CNIH3: variants seen among roughly 807,000 people sequenced by gnomAD.
CNIH3 encodes the protein protein cornichon homolog 3.
A neutral mutation model predicts 24.1 loss-of-function variants in CNIH3; 14 were observed. The ratio of observed to expected loss-of-function variants is 0.58; its 90% CI spans 0.38 to 0.91. CNIH3 has a LOEUF of 0.91. CNIH3 is among the 40% of genes least tolerant of loss of function. CNIH3 has a pLI of 0.00. For synonymous variants in CNIH3, 68 were observed against 73.8 expected (o/e 0.92, Z 0.40); for missense variants, 178 against 196.8 (o/e 0.90, Z 0.57).
intron 3 of CNIH3, among the ~76,000 whole-genome samples, chr1:224,701,203 T>G (rs1388092899): frequency 6.6e-6 from 1 of 151,662 alleles, no homozygotes; most frequent in Non-Finnish European, 1.5e-5. Flanking sequence ...GGTTCTTTTT[T>G]TTTTTTTTTG....
upstream of CNIH3, among the ~76,000 whole-genome samples, chr1:224,511,453 C>T (rs1369102417): frequency 6.6e-6 from 1 of 152,214 alleles, no homozygotes; most frequent in African/African-American, 2.4e-5. Flanking sequence ...ATAGTCAGAC[C>T]CGCATGTGAT....
intron 4 of CNIH3, among the ~76,000 whole-genome samples, chr1:224,579,440 C>T (rs949138322): frequency 2.6e-5 from 4 of 152,130 alleles, no homozygotes; most frequent in Admixed American, 2.6e-4. Flanking sequence ...TGACAAATCT[C>T]TTTATGTCAG....
intron 1 of CNIH3, among the ~76,000 whole-genome samples, chr1:224,633,464 G>C (rs1683930526): frequency 6.6e-6 from 1 of 152,118 alleles, no homozygotes; most frequent in East Asian, 1.9e-4. Context: ...TGGCAGTTAA[G>C]ATTCTTAGAA....
intron 1 of CNIH3, among the ~76,000 whole-genome samples, chr1:224,626,841 C>A (rs1023189349): frequency 1.3e-5 from 2 of 152,184 alleles, no homozygotes; most frequent in African/African-American, 4.8e-5. Context: ...CAAGCAGAGC[C>A]TTCTTGCCTC....
chr1:224,475,416 G>C (rs1676549068), intron 1 of CNIH3, among the ~76,000 whole-genome samples: 1 of 151,858 alleles, frequency 6.6e-6, no homozygotes, highest in Non-Finnish European at 1.5e-5. Flanking sequence ...CATTACAACG[G>C]ATACTGCCAA....
intron 1 of CNIH3, among the ~76,000 whole-genome samples, chr1:224,634,405 C>A (rs1476489540): frequency 6.6e-6 from 1 of 152,006 alleles, no homozygotes; most frequent in African/African-American, 2.4e-5. Context: ...CCCGTCTCTA[C>A]TAAAAGTACA....
chr1:224,470,023 C>CTT (rs199958550), intron 1 of CNIH3, among the ~76,000 whole-genome samples: 2 of 145,050 alleles, frequency 1.4e-5, no homozygotes, highest in Non-Finnish European at 3.0e-5. Flanking sequence ...TCTTCTTCTT[C>CTT]TTTTTTTTTT....
At chr1:224,470,710 G>A (rs80061348) in intron 1 of CNIH3, among the ~76,000 whole-genome samples, 3,685 of 151,916 alleles carry the variant, frequency 0.024, 70 homozygotes, top group Non-Finnish European at 0.038. Context: ...CTCCCACTTC[G>A]GTCTCCCAAA....
At chr1:224,690,375 A>G (rs1401373471) in intron 3 of CNIH3, among the ~76,000 whole-genome samples, 1 of 151,836 alleles carries the variant, frequency 6.6e-6, no homozygotes, top group Non-Finnish European at 1.5e-5. Flanking sequence ...TAATTTTTGT[A>G]TTTTTAGTAG....
chr1:224,541,843 T>C (rs1200617775), downstream of CNIH3, among the ~76,000 whole-genome samples: 3 of 152,166 alleles, frequency 2.0e-5, no homozygotes, highest in African/African-American at 7.2e-5. Context: ...AACGACTGTA[T>C]CTTATCTTAT....
At chr1:224,486,721 G>A (rs542489905) in intron 1 of CNIH3, among the ~76,000 whole-genome samples, 1 of 152,294 alleles carries the variant, frequency 6.6e-6, no homozygotes, top group African/African-American at 2.4e-5. Context: ...TTTAAAGGTT[G>A]CTAAAACTCT....
At chr1:224,654,836 C>T (rs944719292) in intron 1 of CNIH3, among the ~76,000 whole-genome samples, 1 of 152,170 alleles carries the variant, frequency 6.6e-6, no homozygotes, top group African/African-American at 2.4e-5. Context: ...AAACTAATTC[C>T]AATCCCTATG....
At chr1:224,663,361 C>T (rs146568435) in intron 1 of CNIH3, among the ~76,000 whole-genome samples, 88 of 152,290 alleles carry the variant, frequency 5.8e-4, no homozygotes, top group South Asian at 1.0e-3. Context: ...ACAGCTATGT[C>T]GACGTATGCA....
intron 1 of CNIH3, among the ~76,000 whole-genome samples, chr1:224,652,748 A>G (rs1291443899): frequency 6.6e-6 from 1 of 152,188 alleles, no homozygotes. Flanking sequence ...ACTTCCAGAA[A>G]CCAAGCCCAT....
intron 3 of CNIH3, among the ~76,000 whole-genome samples, chr1:224,553,113 A>G (rs1679994562): frequency 1.3e-5 from 2 of 149,684 alleles, no homozygotes; most frequent in African/African-American, 4.9e-5. Flanking sequence ...TTTAGATAGT[A>G]TGAATAATAT....
chr1:224,631,025 G>A (rs1308122539), intron 1 of CNIH3, among the ~76,000 whole-genome samples: 1 of 152,088 alleles, frequency 6.6e-6, no homozygotes, highest in Non-Finnish European at 1.5e-5. Context: ...CGGGCGTGGT[G>A]GTGCGTGCCT....
intron 1 of CNIH3, among the ~76,000 whole-genome samples, chr1:224,626,654 G>T (rs1683540597): frequency 6.6e-6 from 1 of 152,066 alleles, no homozygotes; most frequent in Non-Finnish European, 1.5e-5. Context: ...GGTCTCATGG[G>T]ATCGACATAA....
intron 1 of CNIH3, among the ~76,000 whole-genome samples, chr1:224,630,597 T>C (rs1264639948): frequency 6.6e-6 from 1 of 151,528 alleles, no homozygotes; most frequent in Non-Finnish European, 1.5e-5. Context: ...TTTGCTTTTC[T>C]TCTTCCTCCT....
intron 3 of CNIH3, among the ~76,000 whole-genome samples, chr1:224,710,008 AAT>A (rs2125196827): frequency 1.3e-5 from 2 of 152,348 alleles, no homozygotes; most frequent in African/African-American, 4.8e-5. Flanking sequence ...ATTAATAACT[AAT>A]AAAATAGAAA....
Sources: allele counts gnomAD v4.1 joint callset (sites outside exome capture counted in the v4.1 genomes callset), GRCh38; gene constraint gnomAD v4.1.1; transcripts MANE v1.5; gene names NCBI Gene and HGNC (gene_info 2026-07-23, HGNC 2026-07-21).